The following ANK2 variants were observed in gnomAD, a reference collection of about 807,000 sequenced individuals.
The protein encoded by ANK2 is ankyrin-2.
In ANK2, 83 loss-of-function variants were observed where a neutral mutation model predicts 360.5. The ratio of observed to expected loss-of-function variants is 0.23; its 90% CI spans 0.19 to 0.28. The LOEUF (loss-of-function observed/expected upper bound fraction) is 0.28. Among genes scored for constraint, ANK2 ranks in the 10% least tolerant of loss-of-function variants. The pLI, the probability that ANK2 is intolerant of heterozygous loss-of-function variation, is 1.00. For missense variants in ANK2, 4,201 were observed against 4,795.7 expected (o/e 0.88, Z 3.66); for synonymous variants, 1,740 against 1,759.5 (o/e 0.99, Z 0.28).
intron 2 of ANK2, among the ~76,000 whole-genome samples, chr4:112,990,361 T>C (rs1248298052): frequency 6.6e-6 from 1 of 152,186 alleles, no homozygotes; most frequent in African/African-American, 2.4e-5. Context: ...AGTCTCTCAC[T>C]AATAGTCAAG....
intron 29 of ANK2, among the ~76,000 whole-genome samples, chr4:113,333,786 G>A (rs2093004553): frequency 6.6e-6 from 1 of 152,158 alleles, no homozygotes; most frequent in South Asian, 2.1e-4. Context: ...AGCCAGGGTT[G>A]AATTGCATAC....
intron 25 of ANK2, 88 bp from the exon 26 acceptor site, chr4:113,318,429 T>C: frequency 9.4e-7 from 1 of 1,062,218 alleles, no homozygotes; most frequent in East Asian, 2.6e-5. Context: ...TATACCACTT[T>C]CCAGTGATGA....
the ANK2 span, among the ~76,000 whole-genome samples, chr4:112,753,871 G>GGA: frequency 6.6e-6 from 1 of 151,748 alleles, no homozygotes; most frequent in Non-Finnish European, 1.5e-5. Flanking sequence ...GCCAAGGAGG[G>GGA]TGGATCACTT....
intron 1 of ANK2, among the ~76,000 whole-genome samples, chr4:113,113,625 A>G (rs912260690): frequency 3.9e-5 from 6 of 152,292 alleles, no homozygotes; most frequent in African/African-American, 1.2e-4. Flanking sequence ...TTGTGGAAGG[A>G]ATCAGCTTTT....
chr4:113,232,076 A>G, intron 4 of ANK2, 85 bp from the exon 5 acceptor site: 2 of 932,170 alleles, frequency 2.1e-6, no homozygotes, highest in South Asian at 1.3e-5. Flanking sequence ...TATTTTACCT[A>G]TCTTCCCTAT....
At chr4:113,243,010 T>C (rs533701630) in intron 9 of ANK2, among the ~76,000 whole-genome samples, 23 of 152,300 alleles carry the variant, frequency 1.5e-4, no homozygotes, top group African/African-American at 5.3e-4. Context: ...TTACCATTTT[T>C]GAAAAAGCAG....
chr4:113,121,930 A>G (rs944869178), intron 1 of ANK2, among the ~76,000 whole-genome samples: 1 of 152,168 alleles, frequency 6.6e-6, no homozygotes, highest in Admixed American at 6.6e-5. Flanking sequence ...CTTATTGAGT[A>G]TATATAATAA....
chr4:113,330,641 C>T (rs1202119050), intron 27 of ANK2, among the ~76,000 whole-genome samples, 171 bp downstream of exon 27: 2 of 152,216 alleles, frequency 1.3e-5, no homozygotes, highest in South Asian at 2.1e-4. Context: ...TCCACTTACA[C>T]GCCTCTTATT....
chr4:113,192,349 GCA>G (rs1050648993), intron 2 of ANK2, among the ~76,000 whole-genome samples: 3 of 146,216 alleles, frequency 2.1e-5, no homozygotes, highest in Non-Finnish European at 3.0e-5. Context: ...GCCTGCATGT[GCA>G]CACACACACA....
At chr4:112,918,364 A>G (rs377197223) in intron 2 of ANK2, among the ~76,000 whole-genome samples, 4 of 152,186 alleles carry the variant, frequency 2.6e-5, no homozygotes, top group East Asian at 3.9e-4. Context: ...CCGAAAGAAC[A>G]TAAGTGGGAA....
chr4:112,737,087 C>A, the ANK2 span, among the ~76,000 whole-genome samples: 2 of 152,062 alleles, frequency 1.3e-5, no homozygotes, highest in African/African-American at 4.8e-5. Flanking sequence ...GTGACTTTGG[C>A]CTGGTTACTT....
intron 1 of ANK2, among the ~76,000 whole-genome samples, chr4:113,163,581 A>T (rs953718606): frequency 2.0e-5 from 3 of 151,658 alleles, no homozygotes; most frequent in African/African-American, 7.3e-5. Context: ...CCTGACCAAC[A>T]TGGAGAAACC....
intron 5 of ANK2, among the ~76,000 whole-genome samples, chr4:113,232,536 A>G (rs1409574047): frequency 1.3e-5 from 2 of 152,194 alleles, no homozygotes; most frequent in Non-Finnish European, 2.9e-5. Context: ...GGTTTGTACC[A>G]TTCTAAAATT....
At chr4:113,250,146 G>A (rs1267365132) in intron 10 of ANK2, among the ~76,000 whole-genome samples, 1 of 152,206 alleles carries the variant, frequency 6.6e-6, no homozygotes, top group Non-Finnish European at 1.5e-5. Flanking sequence ...AAATATAAAT[G>A]AGAATATCTC....
intron 1 of ANK2, among the ~76,000 whole-genome samples, chr4:113,127,477 T>A (rs993197790): frequency 4.0e-4 from 60 of 148,740 alleles, no homozygotes; most frequent in African/African-American, 1.1e-3. Context: ...TTTTTTTTTT[T>A]AATACATAGT....
Position 113,258,141 on chromosome 4 carries a change from T to C in ANK2, c.1280T>C (p.Ile427Thr), listed in dbSNP as rs2153634119. ...LVKYGASIQA[I>T]TESGLTPIHV... is the part of the protein sequence containing the mutation. ...AAATATGGGGCTTCAATCCAAGCTA[T>C]AACAGAGGTAGAAAAATGTTTTAGC... Residue 427 changes from isoleucine to threonine, a missense_variant, in exon 12 of 46, where the codon ATA becomes ACA. Ile to Thr is a moderately conservative substitution (Grantham distance 89). This residue lies in a region of ANK2 where 1,268 missense variants were observed against 1,650.8 expected (regional missense o/e 0.77). Transcript: ENST00000357077. 4 of 1,612,700 alleles carry C rather than the reference T, an allele frequency of 2.5e-6. No individual in the cohort carries two copies. The highest frequency in any genetic ancestry group is 3.4e-6 in the Non-Finnish European group (4 of 1,178,662).
intron 2 of ANK2, among the ~76,000 whole-genome samples, chr4:112,971,729 G>T (rs916933214): frequency 2.6e-4 from 40 of 152,128 alleles, no homozygotes; most frequent in African/African-American, 9.7e-4. Flanking sequence ...TTCATATTGG[G>T]GGTGGAGGGA....
At chr4:113,296,863 A>T (rs1563523242) in intron 22 of ANK2, among the ~76,000 whole-genome samples, 1 of 152,132 alleles carries the variant, frequency 6.6e-6, no homozygotes, top group Non-Finnish European at 1.5e-5. Flanking sequence ...AACCATCATC[A>T]ATTATTTCTA....
At chr4:112,879,769 G>T (rs1274153551) in intron 1 of ANK2, among the ~76,000 whole-genome samples, 3 of 152,056 alleles carry the variant, frequency 2.0e-5, no homozygotes, top group Non-Finnish European at 4.4e-5. Flanking sequence ...ATTCTGCATT[G>T]ATTTCCCATT....
Sources: gnomAD v4.1 joint callset for allele counts (sites outside exome capture counted in the v4.1 genomes callset) on GRCh38, gnomAD v4.1.1 for gene constraint, gnomAD v4.1.1 regional missense constraint, MANE v1.5 for transcripts, NCBI Gene and HGNC (gene_info 2026-07-23, HGNC 2026-07-21) for gene names.